CNNM2: variants seen among roughly 807,000 people sequenced by gnomAD.
CNNM2 encodes metal transporter CNNM2.
In CNNM2, 12 loss-of-function variants were observed where a neutral mutation model predicts 66.9. The ratio of observed to expected loss-of-function variants is 0.18; its 90% confidence interval spans 0.11 to 0.29. The LOEUF is 0.29. CNNM2 is among the 10% of genes least tolerant of loss of function. The pLI, the probability that CNNM2 is intolerant of heterozygous loss-of-function variation, is 1.00. For synonymous variants in CNNM2, 557 were observed against 501.8 expected, an observed-to-expected ratio of 1.11 and a Z score of -1.47; for missense variants, 705 against 1,167.7, an observed-to-expected ratio of 0.60 and a Z score of 5.77.
rs1309102544 is a variant in CNNM2, at chr10:102,918,810, C to T, written c.330C>T (p.Ile110=). 5 of 1,598,806 alleles carry T rather than the reference C, an allele frequency of 3.1e-6. No individual in the cohort carries two copies. The South Asian group carries it at 5.6e-5, about 18-fold the overall frequency. Residue 110 remains isoleucine, a synonymous_variant, in exon 1 of 8, where the codon ATC becomes ATT. Transcript: ENST00000369878. The surrounding 1 kb of genome is among the most constrained non-coding windows in gnomAD (Gnocchi z 4.1). The part of the protein sequence containing the change: ...RVKLRVYGQN[I]NNETWSRIAF... ...AGCTGCGGGTGTACGGGCAGAACAT[C>T]AATAACGAGACGTGGTCCCGCATCG...
At chr10:103,002,721 C>T (rs2064145359) in intron 1 of CNNM2, among the ~76,000 whole-genome samples, 2 of 152,164 alleles carry the variant, frequency 1.3e-5, no homozygotes, top group Admixed American at 1.3e-4. Flanking sequence ...TCAGGTGATC[C>T]ACTTGCCTCA....
chr10:103,021,544 G>T (rs72850112), intron 1 of CNNM2, among the ~76,000 whole-genome samples: 2 of 152,094 alleles, frequency 1.3e-5, no homozygotes, highest in African/African-American at 2.4e-5. Context: ...GGTCTTACCC[G>T]AAACGCCAGA....
intron 1 of CNNM2, among the ~76,000 whole-genome samples, chr10:102,964,506 C>G (rs1249755088): frequency 1.3e-5 from 2 of 152,150 alleles, no homozygotes; most frequent in Non-Finnish European, 2.9e-5. Flanking sequence ...TGGGGTCACA[C>G]TCATGAGCCA....
chr10:102,931,714 A>G (rs1846070849), intron 1 of CNNM2, among the ~76,000 whole-genome samples: 3 of 152,158 alleles, frequency 2.0e-5, no homozygotes, highest in South Asian at 4.1e-4. Flanking sequence ...TTGCTGGATC[A>G]TATGGTAATT....
At chr10:102,999,775 G>A (rs762258936) in intron 1 of CNNM2, among the ~76,000 whole-genome samples, 5 of 152,132 alleles carry the variant, frequency 3.3e-5, no homozygotes, top group African/African-American at 9.7e-5. Context: ...TGGCCAATAA[G>A]CACATGTAAA....
intron 1 of CNNM2, among the ~76,000 whole-genome samples, chr10:102,940,366 T>C (rs1846385269): frequency 6.6e-6 from 1 of 152,188 alleles, no homozygotes; most frequent in Non-Finnish European, 1.5e-5. Context: ...GCCCCTCTTA[T>C]TTGTGCTTAT....
At chr10:102,967,780 G>A (rs1013691169) in intron 1 of CNNM2, among the ~76,000 whole-genome samples, 8 of 152,168 alleles carry the variant, frequency 5.3e-5, no homozygotes, top group Admixed American at 5.2e-4. Context: ...GGGCCGAGGC[G>A]GGCGGATCAC....
At chr10:103,056,644 C>T in intron 3 of CNNM2, 151 bp from the exon 4 acceptor site, 2 of 709,420 alleles carry the variant, frequency 2.8e-6, no homozygotes, top group Non-Finnish European at 4.9e-6. Context: ...GGTAATCTGT[C>T]CCCAGTGGAT....
At chr10:102,928,447 T>C (rs1845952196) in intron 1 of CNNM2, among the ~76,000 whole-genome samples, 1 of 151,778 alleles carries the variant, frequency 6.6e-6, no homozygotes, top group Non-Finnish European at 1.5e-5. Flanking sequence ...CCAGCTGTGG[T>C]GGTGGGCGCC....
intron 4 of CNNM2, among the ~76,000 whole-genome samples, chr10:103,062,196 C>A (rs1427508491): frequency 6.6e-6 from 1 of 152,188 alleles, no homozygotes; most frequent in Non-Finnish European, 1.5e-5. Context: ...CCCGGCCCAT[C>A]CACACTCTTT....
Position 102,919,841 on chromosome 10 carries a change from G to C in CNNM2, c.1361G>C (p.Arg454Pro). 1 of 1,614,188 alleles carries C rather than the reference G, an allele frequency of 6.2e-7. No individual in the cohort carries two copies. Among genetic ancestry groups the C allele is most frequent in the Non-Finnish European group, 8.5e-7 (1 of 1,180,038 alleles). ...GTGGAGGACGTGATGACCCCACTCC[G>C]GGACTGCTTCATGATCACCGGCGAA... The part of the protein sequence containing the change: ...KTVEDVMTPL[R>P]DCFMITGEAI... The change falls in exon 1 of 8, where the codon CGG becomes CCG. Residue 454 changes from arginine to proline, a missense_variant. Transcript: ENST00000369878.
Position 103,086,223 on chromosome 10 carries a change from C to G in CNNM2, c.*9043C>G, listed in dbSNP as rs896193713. On this transcript the variant is annotated 3_prime_UTR_variant, in exon 8 of 8. Transcript: ENST00000369878. ...AAGTTGTGTATCATTTGAAATTGTTCTATTTGAGGAAAAACTTTTAAGAAA... is the reference window on the plus strand; with the variant it reads ...AAGTTGTGTATCATTTGAAATTGTTGTATTTGAGGAAAAACTTTTAAGAAA... The G allele has an allele frequency of 1.3e-5, 2 of 152,120 alleles. No homozygotes were observed. Among genetic ancestry groups the G allele is most frequent in the African/African-American group, 4.8e-5 (2 of 41,408 alleles). 9.4% of individuals were successfully genotyped at this position (152,120 alleles called of 1,614,324 possible).
chr10:102,990,019 A>G (rs2063870610), intron 1 of CNNM2, among the ~76,000 whole-genome samples: 1 of 149,214 alleles, frequency 6.7e-6, no homozygotes, highest in South Asian at 2.1e-4. Context: ...ATCTCGTCTC[A>G]CTGCAACCTC....
At chr10:102,989,912 AATT>A (rs1258049982) in intron 1 of CNNM2, among the ~76,000 whole-genome samples, 1 of 152,020 alleles carries the variant, frequency 6.6e-6, no homozygotes, top group East Asian at 1.9e-4. Flanking sequence ...ATAATATAAT[AATT>A]ATAACAGCCT....
intron 1 of CNNM2, among the ~76,000 whole-genome samples, chr10:103,028,793 CTTTCT>C (rs1464796663): frequency 2.7e-5 from 4 of 146,274 alleles, no homozygotes; most frequent in African/African-American, 7.6e-5. Flanking sequence ...CCATTTTCTT[CTTTCT>C]TTTCTTTTTC....
At chr10:103,074,467 A>G (rs879904792) in intron 6 of CNNM2, among the ~76,000 whole-genome samples, 1 of 152,246 alleles carries the variant, frequency 6.6e-6, no homozygotes, top group Non-Finnish European at 1.5e-5. Context: ...GCCACTCTGA[A>G]TTTAATTTGT....
In CNNM2 at chr10:102,919,074, C is replaced by A. The variant is rs189652428; in HGVS notation, c.594C>A (p.Pro198=). 11 of 1,612,100 alleles carry A rather than the reference C, an allele frequency of 6.8e-6. No homozygotes were observed. The Admixed American group carries it at 1.8e-4, about 27-fold the overall frequency. ...ACCTGTGCACGTCGCTCTCCACGCC[C>A]GCCCTGGGCGCCGGCGGCTCGGGGT... is the stretch of plus-strand genomic sequence containing the variant. The part of the protein sequence containing the change: ...SYYLCTSLST[P]ALGAGGSGST... The change falls in exon 1 of 8, where the codon CCC becomes CCA. Residue 198 remains proline (P), a synonymous_variant. Coordinates refer to ENST00000369878, the MANE Select transcript of CNNM2 (RefSeq NM_017649.5).
Position 103,054,605 on chromosome 10 carries a change from TG to T in CNNM2, c.1903+140del. 3 of 736,542 alleles carry T rather than the reference TG, an allele frequency of 4.1e-6. No individual in the cohort carries two copies. Among genetic ancestry groups the T allele is most frequent in the Middle Eastern group, 4.0e-4 (1 of 2,526 alleles). The allele number at this position is 736,542 out of a possible 1,614,324, so 45.6% of individuals were successfully genotyped here. ...TGCCACTTTTGTGTTTTGTTTTTTT[TG>T]TTTTTTTGTTTTGTTTTGTTTTTTT... is the stretch of plus-strand genomic sequence containing the variant. On this transcript the variant is annotated intron_variant, in intron 3 of 7. Transcript: ENST00000369878. This position sits in a 1 kb window ranked among gnomAD's most constrained non-coding sequence, Gnocchi z 5.2.
intron 6 of CNNM2, 87 bp downstream of exon 6, chr10:103,071,926 A>G (rs980370721): frequency 2.7e-6 from 3 of 1,124,710 alleles, no homozygotes; most frequent in Non-Finnish European, 4.1e-6. Flanking sequence ...TGCTCCCTTT[A>G]CCTGGACAGG....
Sources: allele counts gnomAD v4.1 joint callset (sites outside exome capture counted in the v4.1 genomes callset), GRCh38; gene constraint gnomAD v4.1.1; non-coding constraint Gnocchi (gnomAD v3.1); transcripts MANE v1.5; gene names NCBI Gene and HGNC (gene_info 2026-07-23, HGNC 2026-07-21).